Variants in ELMO1 observed in about 807,000 individuals in gnomAD.
ELMO1 encodes engulfment and cell motility 1, also known as engulfment and cell motility protein 1.
Under a neutral mutation model 98.9 loss-of-function variants are expected in ELMO1, and 26 were observed. That is an observed-to-expected ratio of 0.26 (90% CI 0.19 to 0.36). The LOEUF is 0.36. Among genes scored for constraint, ELMO1 ranks in the 10% least tolerant of loss-of-function variants. The pLI is 1.00. For synonymous variants in ELMO1, 346 were observed against 346.0 expected (o/e 1.00, Z 0.00); for missense variants, 627 against 935.2 (o/e 0.67, Z 4.30).
Position 37,211,435 on chromosome 7 carries a change from T to C in ELMO1, c.1037A>G (p.Glu346Gly). The stretch of plus-strand genomic sequence containing the variant: ...TCGCGTGTACATGGACTTGCGTTTC[T>C]CCATGCTGCCACTGCTGTTGTTAGG... ...SEPNNSSGSMEKRKSMYTRDY... is the reference protein window; with the variant it reads ...SEPNNSSGSMGKRKSMYTRDY... Residue 346 changes from glutamate (E) to glycine (G), a missense_variant, in exon 13 of 22, where the codon GAG becomes GGG. Physicochemically the swap from Glu to Gly is moderately conservative, Grantham distance 98 (BLOSUM62 -2). Coordinates refer to ENST00000310758, the MANE Select transcript of ELMO1 (RefSeq NM_014800.11). 6.2e-7 allele frequency: 1 copy of C among 1,614,058 alleles called. No homozygotes were observed. Among genetic ancestry groups the C allele is most frequent in the Non-Finnish European group, 8.5e-7 (1 of 1,179,984 alleles).
At chr7:37,117,144 C>T (rs529336651) in intron 14 of ELMO1, 14 of 206,524 alleles carry the variant, frequency 6.8e-5, no homozygotes, top group Admixed American at 3.6e-4. Context: ...GGTCACTCAG[C>T]CTACAGTTGG....
At chr7:37,073,338 ATTT>A (rs1797381025) in intron 15 of ELMO1, among the ~76,000 whole-genome samples, 1 of 152,180 alleles carries the variant, frequency 6.6e-6, no homozygotes, top group African/African-American at 2.4e-5. Flanking sequence ...ATGATCCCAC[ATTT>A]TTTATATATA....
intron 16 of ELMO1, among the ~76,000 whole-genome samples, chr7:36,944,156 A>G (rs982306712): frequency 9.2e-5 from 14 of 152,142 alleles, no homozygotes; most frequent in African/African-American, 3.1e-4. Flanking sequence ...AACTTTCCCT[A>G]TTTTAAACAT....
intron 19 of ELMO1, among the ~76,000 whole-genome samples, chr7:36,875,383 TTC>T (rs140740651): frequency 6.6e-6 from 1 of 152,160 alleles, no homozygotes; most frequent in East Asian, 1.9e-4. Flanking sequence ...CACACTCTCT[TTC>T]TCTCTCTCTC....
intron 15 of ELMO1, among the ~76,000 whole-genome samples, chr7:37,060,776 T>C (rs1184183516): frequency 6.6e-6 from 1 of 152,208 alleles, no homozygotes; most frequent in Non-Finnish European, 1.5e-5. Flanking sequence ...ATTTCATTTA[T>C]ACTATAAACT....
At chr7:36,936,483 G>C (rs1320370631) in intron 16 of ELMO1, among the ~76,000 whole-genome samples, 1 of 152,034 alleles carries the variant, frequency 6.6e-6, no homozygotes, top group Non-Finnish European at 1.5e-5. Flanking sequence ...TAGAGATGGG[G>C]GTCTCGCTCT....
In ELMO1 at chr7:37,342,989, G is replaced by A; in HGVS notation, c.-73-226C>T. 2.9e-6 allele frequency: 1 copy of A among 346,252 alleles called. No individual in the cohort carries two copies. Among genetic ancestry groups the A allele is most frequent in the Non-Finnish European group, 5.3e-6 (1 of 188,852 alleles). The allele number at this position is 346,252 out of a possible 1,614,324, so 21.4% of individuals were successfully genotyped here. On this transcript the variant is annotated intron_variant, in intron 1 of 21. Coordinates refer to ENST00000310758, the MANE Select transcript of ELMO1 (RefSeq NM_014800.11). This position sits in a 1 kb window ranked among gnomAD's most constrained non-coding sequence, Gnocchi z 4.3. ...AACGCCCTTGAGTCAAAGCCGCCAG[G>A]AGACGCTGCCCTGTGGGGCACGGCT...
intron 16 of ELMO1, among the ~76,000 whole-genome samples, chr7:36,974,711 T>C (rs1790358994): frequency 6.6e-6 from 1 of 152,164 alleles, no homozygotes. Context: ...CGGGTCCCCT[T>C]CCACACTGGG....
chr7:37,188,728 G>C (rs1031910508), intron 13 of ELMO1, among the ~76,000 whole-genome samples: 4 of 151,960 alleles, frequency 2.6e-5, no homozygotes, highest in Admixed American at 2.6e-4. Context: ...CACTGGTTCT[G>C]GAATATTTTG....
intron 16 of ELMO1, among the ~76,000 whole-genome samples, chr7:36,914,077 G>A (rs1268170503): frequency 6.6e-6 from 1 of 152,230 alleles, no homozygotes; most frequent in Non-Finnish European, 1.5e-5. Flanking sequence ...GGTACAGGAA[G>A]CTATCTTGAA....
At chr7:37,406,537 G>C (rs12538222) in intron 1 of ELMO1, among the ~76,000 whole-genome samples, 34,976 of 151,394 alleles carry the variant, frequency 0.23, 4,226 homozygotes, top group East Asian at 0.41. Context: ...TCACACCATT[G>C]TCCTGTCTCA....
At chr7:37,208,651 G>A (rs182124509) in intron 13 of ELMO1, among the ~76,000 whole-genome samples, 7 of 152,266 alleles carry the variant, frequency 4.6e-5, no homozygotes, top group African/African-American at 9.6e-5. Flanking sequence ...TTGCAAGACC[G>A]TCTCTAGGTG....
At chr7:36,994,938 CTT>C (rs1042403155) in intron 16 of ELMO1, among the ~76,000 whole-genome samples, 51 of 152,296 alleles carry the variant, frequency 3.3e-4, no homozygotes, top group African/African-American at 1.2e-3. Context: ...AATAAACAAA[CTT>C]AGCCTGAAGT....
chr7:37,076,422 T>A (rs1797583457), intron 15 of ELMO1, among the ~76,000 whole-genome samples: 2 of 152,154 alleles, frequency 1.3e-5, no homozygotes, highest in African/African-American at 4.8e-5. Flanking sequence ...GAAGTAAGAA[T>A]AAAGGTTCAG....
intron 16 of ELMO1, among the ~76,000 whole-genome samples, chr7:36,959,142 T>C (rs1788721800): frequency 6.6e-6 from 1 of 152,186 alleles, no homozygotes; most frequent in South Asian, 2.1e-4. Context: ...TAGTGCATCC[T>C]GTCAGCTCTA....
chr7:36,910,530 G>A (rs1295427625), intron 16 of ELMO1, among the ~76,000 whole-genome samples: 1 of 152,224 alleles, frequency 6.6e-6, no homozygotes, highest in Non-Finnish European at 1.5e-5. Context: ...TTTGGCTCTA[G>A]TGAAAGATGG....
At chr7:37,317,972 T>TA (rs1183322052) in intron 2 of ELMO1, among the ~76,000 whole-genome samples, 6 of 152,014 alleles carry the variant, frequency 3.9e-5, no homozygotes, top group Non-Finnish European at 7.4e-5. Flanking sequence ...GCACAAAAGT[T>TA]AAAAAAATAA....
intron 6 of ELMO1, among the ~76,000 whole-genome samples, chr7:37,246,336 G>T (rs1795002886): frequency 6.6e-6 from 1 of 152,148 alleles, no homozygotes. Context: ...TGAAATTGGG[G>T]TAATGAGGCT....
intron 13 of ELMO1, among the ~76,000 whole-genome samples, chr7:37,209,254 C>A (rs1164638060): frequency 6.6e-6 from 1 of 152,172 alleles, no homozygotes; most frequent in Non-Finnish European, 1.5e-5. Context: ...ATAGCTCTCA[C>A]AGGGACCCAG....
Sources: gnomAD v4.1 joint callset for allele counts (sites outside exome capture counted in the v4.1 genomes callset) on GRCh38, gnomAD v4.1.1 for gene constraint, Gnocchi (gnomAD v3.1) non-coding constraint, MANE v1.5 for transcripts, NCBI Gene and HGNC (gene_info 2026-07-23, HGNC 2026-07-21) for gene names.